NSMCE1: variants seen among roughly 807,000 people sequenced by gnomAD.
The protein encoded by NSMCE1 is NSE1 component of SMC5/6 complex, also known as non-structural maintenance of chromosomes element 1 homolog.
A neutral mutation model predicts 29.6 loss-of-function variants in NSMCE1; 18 were observed. The ratio of observed to expected loss-of-function variants is 0.61; its 90% confidence interval spans 0.42 to 0.90. The LOEUF is 0.90. NSMCE1 is among the 40% of genes least tolerant of loss of function. The pLI is 0.00. For synonymous variants in NSMCE1, 124 were observed against 133.4 expected (o/e 0.93, Z 0.49); for missense variants, 314 against 343.6 (o/e 0.91, Z 0.68).
intron 2 of NSMCE1, among the ~76,000 whole-genome samples, chr16:27,250,388 C>T (rs1019577644): frequency 2.6e-5 from 4 of 152,096 alleles, no homozygotes; most frequent in African/African-American, 7.2e-5. Context: ...TACAGAGATC[C>T]CCTTTATCAG....
intron 2 of NSMCE1, among the ~76,000 whole-genome samples, chr16:27,239,168 C>T (rs1171399165): frequency 6.6e-6 from 1 of 152,176 alleles, no homozygotes; most frequent in Non-Finnish European, 1.5e-5. Context: ...CCGTGCCCAG[C>T]CCCGACACAT....
At chr16:27,264,715 G>C (rs2084201248) in intron 1 of NSMCE1, among the ~76,000 whole-genome samples, 1 of 152,156 alleles carries the variant, frequency 6.6e-6, no homozygotes, top group Non-Finnish European at 1.5e-5. Context: ...CCTAAGGGTA[G>C]GGAAGGATTT....
At chr16:27,257,760 T>G (rs7200596) in intron 1 of NSMCE1, among the ~76,000 whole-genome samples, 179 bp from the exon 2 acceptor site, 9,564 of 152,042 alleles carry the variant, frequency 0.063, 746 homozygotes, top group African/African-American at 0.19. Flanking sequence ...GACTGGGCAG[T>G]GGTAAGAGGT....
chr16:27,242,380 G>A (rs968044897), intron 2 of NSMCE1, among the ~76,000 whole-genome samples: 4 of 152,152 alleles, frequency 2.6e-5, no homozygotes, highest in Non-Finnish European at 5.9e-5. Flanking sequence ...TTAAACTCAA[G>A]AAGTTTATTA....
At chr16:27,251,207 T>TATATATA (rs1555477430) in intron 2 of NSMCE1, among the ~76,000 whole-genome samples, 9 of 70,764 alleles carry the variant, frequency 1.3e-4, no homozygotes, top group Non-Finnish European at 2.3e-4. Context: ...TATATATATA[T>TATATATA]AAAACTCTGT....
chr16:27,227,550 A>C (rs1335346452), intron 5 of NSMCE1, among the ~76,000 whole-genome samples: 1 of 152,160 alleles, frequency 6.6e-6, no homozygotes, highest in Non-Finnish European at 1.5e-5. Flanking sequence ...TCACAGGAGA[A>C]AGGCAGCACT....
At chr16:27,226,007 A>T in intron 6 of NSMCE1, 161 bp from the exon 7 acceptor site, 1 of 770,866 alleles carries the variant, frequency 1.3e-6, no homozygotes, top group South Asian at 1.8e-5. Flanking sequence ...AGTGCAGTGG[A>T]GTCTTTTGTT....
chr16:27,227,424 C>T (rs2083710367), intron 5 of NSMCE1, among the ~76,000 whole-genome samples: 2 of 152,254 alleles, frequency 1.3e-5, no homozygotes, highest in South Asian at 2.1e-4. Flanking sequence ...CAGTGGAAGC[C>T]AGGCCTCCTG....
chr16:27,230,032 C>T (rs1028413701), intron 5 of NSMCE1, among the ~76,000 whole-genome samples: 4 of 152,314 alleles, frequency 2.6e-5, no homozygotes, highest in South Asian at 2.1e-4. Context: ...ATCTCCCAGG[C>T]GCCTCGCCAC....
intron 1 of NSMCE1, among the ~76,000 whole-genome samples, chr16:27,263,701 T>C (rs1268313475): frequency 1.3e-5 from 2 of 152,200 alleles, no homozygotes; most frequent in African/African-American, 2.4e-5. Context: ...TAAGTTTTTT[T>C]AAAAAAGCAT....
intron 5 of NSMCE1, among the ~76,000 whole-genome samples, chr16:27,231,853 G>A (rs972124393): frequency 2.6e-5 from 4 of 152,126 alleles, no homozygotes; most frequent in African/African-American, 9.7e-5. Flanking sequence ...CCAGACCCCT[G>A]AGCTGTCAGC....
intron 2 of NSMCE1, among the ~76,000 whole-genome samples, chr16:27,251,183 T>TAAAA (rs2084027981): frequency 3.8e-5 from 2 of 52,632 alleles, no homozygotes; most frequent in African/African-American, 4.1e-4. Flanking sequence ...TATATATATA[T>TAAAA]ATATATAAAT....
At chr16:27,257,115 T>C (rs1252290608) in intron 2 of NSMCE1, among the ~76,000 whole-genome samples, 7 of 152,316 alleles carry the variant, frequency 4.6e-5, no homozygotes, top group African/African-American at 9.6e-5. Context: ...CACTTACTTA[T>C]GTGTTAAGTA....
chr16:27,226,895 T>A (rs2083703405), intron 5 of NSMCE1, 59 bp from the exon 6 acceptor site: 3 of 1,027,124 alleles, frequency 2.9e-6, no homozygotes, highest in South Asian at 1.3e-5. Context: ...ATTCACCACC[T>A]CTCTTCCCTC....
intron 5 of NSMCE1, among the ~76,000 whole-genome samples, chr16:27,227,384 G>T (rs2083709936): frequency 6.6e-6 from 1 of 152,242 alleles, no homozygotes; most frequent in Non-Finnish European, 1.5e-5. Flanking sequence ...GGGCAGACAG[G>T]CCCCATCACA....
intron 2 of NSMCE1, among the ~76,000 whole-genome samples, chr16:27,248,406 C>CTTTTTTTT (rs756697569): frequency 4.7e-5 from 4 of 84,768 alleles, no homozygotes; most frequent in Non-Finnish European, 6.6e-5. Context: ...TTTTAGTTTG[C>CTTTTTTTT]TTTTTTTTTT....
At chr16:27,262,807 A>G (rs1038623485) in intron 1 of NSMCE1, among the ~76,000 whole-genome samples, 1 of 152,174 alleles carries the variant, frequency 6.6e-6, no homozygotes, top group Non-Finnish European at 1.5e-5. Flanking sequence ...TAAACAGACA[A>G]CCTACAGAAT....
chr16:27,226,991 C>G (rs191232814), intron 5 of NSMCE1, among the ~76,000 whole-genome samples, 155 bp from the exon 6 acceptor site: 3 of 152,174 alleles, frequency 2.0e-5, no homozygotes, highest in Non-Finnish European at 4.4e-5. Flanking sequence ...CAGCCACATC[C>G]CCCTGGCAGA....
intron 2 of NSMCE1, among the ~76,000 whole-genome samples, chr16:27,253,111 T>TA (rs911932505): frequency 3.3e-5 from 5 of 152,200 alleles, no homozygotes; most frequent in Middle Eastern, 3.4e-3. Flanking sequence ...GTAGCCTTTA[T>TA]AAAAAAACCA....
Sources: allele counts gnomAD v4.1 joint callset (sites outside exome capture counted in the v4.1 genomes callset), GRCh38; gene constraint gnomAD v4.1.1; transcripts MANE v1.5; gene names NCBI Gene and HGNC (gene_info 2026-07-23, HGNC 2026-07-21).